HYAL4: variants seen among roughly 807,000 people sequenced by gnomAD.
HYAL4 encodes the protein hyaluronidase 4, also known as hyaluronidase-4.
A neutral mutation model predicts 35.2 loss-of-function variants in HYAL4; 37 were observed. The ratio of observed to expected loss-of-function variants is 1.05; its 90% CI spans 0.81 to 1.38. The LOEUF (loss-of-function observed/expected upper bound fraction) is 1.38. Ranked by LOEUF, HYAL4 falls within the 40% of genes most tolerant of loss-of-function variation. HYAL4 has a pLI of 0.00. For missense variants in HYAL4, 572 were observed against 572.4 expected, an observed-to-expected ratio of 1.00 and a Z score of 0.01; for synonymous variants, 198 against 203.2, an observed-to-expected ratio of 0.97 and a Z score of 0.22.
At chr7:123,804,901 A>G in the HYAL4 span, among the ~76,000 whole-genome samples, 3 of 152,318 alleles carry the variant, frequency 2.0e-5, no homozygotes, top group African/African-American at 7.2e-5. Context: ...TTTTATCTTA[A>G]GCACAATGAT....
upstream of HYAL4, among the ~76,000 whole-genome samples, chr7:123,824,742 A>G (rs886790640): frequency 5.3e-5 from 8 of 152,044 alleles, no homozygotes; most frequent in African/African-American, 1.7e-4. Flanking sequence ...CCTGTGTAAA[A>G]TCCACTTGGA....
upstream of HYAL4, among the ~76,000 whole-genome samples, chr7:123,824,946 T>C (rs1437541029): frequency 6.6e-6 from 1 of 152,118 alleles, no homozygotes; most frequent in Non-Finnish European, 1.5e-5. Flanking sequence ...GTAGTTCCCG[T>C]GTGGTTCTAG....
chr7:123,818,820 A>T, the HYAL4 span, among the ~76,000 whole-genome samples: 1 of 152,332 alleles, frequency 6.6e-6, no homozygotes, highest in South Asian at 2.1e-4. Context: ...TTTAATTGAC[A>T]TATACAATTG....
chr7:123,814,461 A>G, the HYAL4 span: 1 of 152,616 alleles, frequency 6.6e-6, no homozygotes, highest in Non-Finnish European at 1.5e-5. Flanking sequence ...AGCCTTTCTG[A>G]ACACCTTAGG....
chr7:123,863,845 AT>A (rs1806630870), intron 2 of HYAL4, among the ~76,000 whole-genome samples: 2 of 152,076 alleles, frequency 1.3e-5, no homozygotes, highest in South Asian at 2.1e-4. Flanking sequence ...TTTTCTTTTA[AT>A]TTATCACAAG....
the HYAL4 span, among the ~76,000 whole-genome samples, chr7:123,788,822 A>G: frequency 6.6e-6 from 1 of 152,226 alleles, no homozygotes; most frequent in Non-Finnish European, 1.5e-5. Flanking sequence ...AACCTGTGCT[A>G]TTTTACTACC....
the HYAL4 span, among the ~76,000 whole-genome samples, chr7:123,765,980 C>T: frequency 0.25 from 38,711 of 151,988 alleles, 5,240 homozygotes; most frequent in Middle Eastern, 0.35. Flanking sequence ...ATTTCCTCTC[C>T]GAAATATGCT....
At chr7:123,781,060 G>A in the HYAL4 span, among the ~76,000 whole-genome samples, 1 of 47,582 alleles carries the variant, frequency 2.1e-5, no homozygotes, top group Non-Finnish European at 4.0e-5. Flanking sequence ...ACCCGTAAAG[G>A]GTCTGTGCTG....
the HYAL4 span, among the ~76,000 whole-genome samples, chr7:123,811,425 T>C: frequency 2.0e-5 from 3 of 152,236 alleles, no homozygotes; most frequent in Non-Finnish European, 4.4e-5. Context: ...CTGTTTTAAT[T>C]TGCAATTCTC....
chr7:123,865,299 A>C (rs973027204), intron 2 of HYAL4, among the ~76,000 whole-genome samples: 2 of 152,172 alleles, frequency 1.3e-5, no homozygotes, highest in Non-Finnish European at 2.9e-5. Flanking sequence ...TTTAAAGAAA[A>C]GCTTCTTCCC....
the HYAL4 span, among the ~76,000 whole-genome samples, chr7:123,800,761 A>T: frequency 6.6e-6 from 1 of 151,702 alleles, no homozygotes; most frequent in African/African-American, 2.4e-5. Context: ...GGTTCAAACG[A>T]TTCTCGTGCC....
chr7:123,772,033 A>C, the HYAL4 span, among the ~76,000 whole-genome samples: 1 of 151,910 alleles, frequency 6.6e-6, no homozygotes, highest in Non-Finnish European at 1.5e-5. Flanking sequence ...GATTTACACT[A>C]TCAGCTCCCC....
rs71163703 is a variant in HYAL4, at chr7:123,832,479, C to CTTTTTTTTTTTTTTTTTTTT, written c.-257+3374_-257+3393dup. Among the ~76,000 whole-genome samples the CTTTTTTTTTTTTTTTTTTTT allele has an allele frequency of 9.6e-4, 21 of 21,832 alleles. 8 individuals carry two copies. The highest frequency in any genetic ancestry group is 2.2e-3 in the African/African-American group (8 of 3,586). 14.3% of individuals were successfully genotyped at this position (21,832 alleles called of 152,430 possible). A position where few individuals can be genotyped will look rare whatever the true frequency, so the allele number is the denominator to read the frequency against. ...AGTCCCCAAAGTCTATTGTGTCATA[C>CTTTTTTTTTTTTTTTTTTTT]TTTTTTTTTTTTTTTTTTTTTTTTT... On this transcript the variant is annotated intron_variant, in intron 1 of 4. Coordinates refer to the HYAL4 transcript ENST00000489978.
At chr7:123,825,430 T>A (rs1805791408), upstream of HYAL4, among the ~76,000 whole-genome samples, 1 of 152,096 alleles carries the variant, frequency 6.6e-6, no homozygotes, top group African/African-American at 2.4e-5. Context: ...TAATTAAGGT[T>A]GATATAATCA....
chr7:123,832,501 T>C (rs1805900944), intron 1 of HYAL4, among the ~76,000 whole-genome samples: 1 of 107,158 alleles, frequency 9.3e-6, no homozygotes, highest in Non-Finnish European at 1.9e-5. Flanking sequence ...TTTTTTTTTT[T>C]TTTTTTTTTT....
chr7:123,877,004 C>A lies in HYAL4; in HGVS notation c.1295C>A (p.Thr432Lys). The stretch of plus-strand genomic sequence containing the variant: ...ACAGACCTGGCAGTGATGGCAGATA[C>A]ATTTTCCTGTCATTGTTATCAGGGA... ...SDTDLAVMAD[T>K]FSCHCYQGYE... is the part of the protein sequence containing the mutation. Residue 432 changes from threonine to lysine, a missense_variant, in exon 5 of 5, where the codon ACA (threonine) becomes AAA (lysine). Coordinates refer to ENST00000223026, the MANE Select transcript of HYAL4 (RefSeq NM_012269.3). The A allele has an allele frequency of 1.9e-6, 3 of 1,614,208 alleles. No homozygotes were observed. Among genetic ancestry groups the A allele is most frequent in the Non-Finnish European group, 2.5e-6 (3 of 1,180,026 alleles).
upstream of HYAL4, among the ~76,000 whole-genome samples, chr7:123,844,827 A>T (rs1584912957): frequency 6.6e-6 from 1 of 151,942 alleles, no homozygotes; most frequent in Non-Finnish European, 1.5e-5. Flanking sequence ...TGGGCGTGGG[A>T]CCCACCGAGC....
the HYAL4 span, among the ~76,000 whole-genome samples, chr7:123,775,990 T>C: frequency 1.3e-5 from 2 of 152,178 alleles, no homozygotes; most frequent in Non-Finnish European, 2.9e-5. Context: ...TTAGAGAAGA[T>C]TTTTTCAGGC....
chr7:123,777,144 A>G, the HYAL4 span, among the ~76,000 whole-genome samples: 23 of 152,266 alleles, frequency 1.5e-4, no homozygotes, highest in African/African-American at 5.1e-4. Context: ...TGTAATTTTT[A>G]TGAAAGAAAT....
Sources: gnomAD v4.1 joint callset for allele counts (sites outside exome capture counted in the v4.1 genomes callset) on GRCh38, gnomAD v4.1.1 for gene constraint, MANE v1.5 for transcripts, NCBI Gene and HGNC (gene_info 2026-07-23, HGNC 2026-07-21) for gene names.